Variants in WDR59 observed in about 807,000 individuals in gnomAD.
WDR59 encodes WD repeat domain 59.
Under a neutral mutation model 131.2 loss-of-function variants are expected in WDR59, and 100 were observed. That is an observed-to-expected ratio of 0.76 (90% CI 0.65 to 0.90). The LOEUF (loss-of-function observed/expected upper bound fraction) is 0.90, where lower values mean the gene tolerates loss of function less well. Ranked by LOEUF, WDR59 falls within the 40% of genes least tolerant of loss-of-function variation. The probability of loss-of-function intolerance (pLI) is 0.00; values close to 1 mark genes in which losing one functional copy is unlikely to be tolerated. For missense variants in WDR59, 1,203 were observed against 1,262.2 expected (o/e 0.95, Z 0.71); for synonymous variants, 601 against 466.2 (o/e 1.29, Z -3.72).
Position 74,981,653 on chromosome 16 carries a change from TATA to T in WDR59, c.54+3308_54+3310del, listed in dbSNP as rs1567450957. Among the ~76,000 whole-genome samples the T allele has an allele frequency of 4.0e-3, 25 of 6,308 alleles. 2 individuals carry two copies. Among genetic ancestry groups the T allele is most frequent in the East Asian group, 0.018 (2 of 112 alleles). 4.1% of individuals were successfully genotyped at this position (6,308 alleles called of 152,430 possible). ...ATATATATATATATATATATATATA[TATA>T]TATATTTTTTTTTTTTTTAGATGGA... On this transcript the variant is annotated intron_variant, in intron 1 of 25. Transcript: ENST00000262144.
chr16:74,882,003 G>C lies in WDR59; in HGVS notation c.2689+3650C>G, dbSNP rs957433340. Among the ~76,000 whole-genome samples, 11 of 152,098 alleles carry C rather than the reference G, an allele frequency of 7.2e-5. 1 individual carries two copies. Among genetic ancestry groups the C allele is most frequent in the East Asian group, 1.9e-4 (1 of 5,180 alleles). On this transcript the variant is annotated intron_variant, in intron 25 of 25. Coordinates refer to ENST00000262144, the MANE Select transcript of WDR59 (RefSeq NM_030581.4). ...TGTGACATTGGTTTTATTGGAATTA[G>C]GATACATTATTCATCCTTAACTATC... is the stretch of plus-strand genomic sequence containing the variant.
chr16:74,908,944 A>T lies in WDR59; in HGVS notation c.1676T>A (p.Met559Lys). Residue 559 changes from methionine to lysine, a missense_variant, in exon 17 of 26, where the codon ATG (methionine) becomes AAG (lysine). Physicochemically the swap from Met to Lys is moderately conservative, Grantham distance 95 (BLOSUM62 -1). Transcript: ENST00000262144. ...YLVYFTRPMT[M>K]HRAVSPTEPT... is the part of the protein sequence containing the mutation. ...CTCTGTGGGAGACACCGCCCGATGC[A>T]TTGTCATGGGCCTTGTGAAATATAC... 6.2e-7 allele frequency: 1 copy of T among 1,614,148 alleles called. No individual in the cohort carries two copies. The highest frequency in any genetic ancestry group is 8.5e-7 in the Non-Finnish European group (1 of 1,180,006).
At chr16:74,942,908 A>T in intron 6 of WDR59, 82 bp from the exon 7 acceptor site, 2 of 1,279,844 alleles carry the variant, frequency 1.6e-6, no homozygotes, top group East Asian at 4.8e-5. Context: ...GGAGCTGGAT[A>T]ATGAGTTCTG....
At chr16:74,965,702 A>G (rs1284437226) in intron 2 of WDR59, 71 bp downstream of exon 2, 47 of 1,569,586 alleles carry the variant, frequency 3.0e-5, no homozygotes, top group Non-Finnish European at 3.9e-5. Flanking sequence ...ATAGCTTCCA[A>G]GTTCCCAGAA....
intron 2 of WDR59, among the ~76,000 whole-genome samples, chr16:74,961,700 G>A (rs1172410434): frequency 6.6e-6 from 1 of 152,122 alleles, no homozygotes; most frequent in East Asian, 1.9e-4. Flanking sequence ...ACCTTTGTCA[G>A]ATGAATAGGT....
intron 17 of WDR59, among the ~76,000 whole-genome samples, chr16:74,905,555 G>A (rs1052971573): frequency 4.0e-5 from 6 of 151,370 alleles, no homozygotes; most frequent in South Asian, 2.1e-4. Context: ...GGTGGCGGGC[G>A]CCTGTAGTCC....
intron 1 of WDR59, among the ~76,000 whole-genome samples, chr16:74,967,600 T>G (rs973647062): frequency 4.6e-5 from 7 of 152,180 alleles, no homozygotes; most frequent in African/African-American, 1.7e-4. Flanking sequence ...GGCTCATGCC[T>G]GTAATCCTGG....
chr16:74,909,939 G>C, intron 14 of WDR59, 22 bp from the exon 15 acceptor site: 1 of 1,515,814 alleles, frequency 6.6e-7, no homozygotes, highest in South Asian at 1.2e-5. Flanking sequence ...CCAAAACACA[G>C]TCAAGAAGAG....
At chr16:74,921,924 G>A in intron 10 of WDR59, 23 bp downstream of exon 10, 1 of 1,609,776 alleles carries the variant, frequency 6.2e-7, no homozygotes, top group Non-Finnish European at 8.5e-7. Context: ...AAGGAAAGTG[G>A]GCAGCAGGCC....
At chr16:74,899,556 G>A (rs761304923) in intron 18 of WDR59, 1 of 556,398 alleles carries the variant, frequency 1.8e-6, no homozygotes, top group African/African-American at 2.0e-5. Flanking sequence ...ACTCCCCCAA[G>A]CAAAAAATTG....
chr16:74,896,781 T>G (rs979554808), intron 18 of WDR59, among the ~76,000 whole-genome samples: 1 of 152,176 alleles, frequency 6.6e-6, no homozygotes, highest in African/African-American at 2.4e-5. Context: ...AGTCCAAGTA[T>G]ACAAATGTTT....
chr16:74,887,661 G>T (rs1964831576), intron 23 of WDR59, 22 bp downstream of exon 23: 1 of 1,612,900 alleles, frequency 6.2e-7, no homozygotes, highest in Non-Finnish European at 8.5e-7. Flanking sequence ...TCCAGCGTGG[G>T]CTAAGTCATT....
At chr16:74,904,691 G>A (rs1965715590) in intron 17 of WDR59, among the ~76,000 whole-genome samples, 1 of 152,140 alleles carries the variant, frequency 6.6e-6, no homozygotes, top group Non-Finnish European at 1.5e-5. Context: ...TTTATTGAAA[G>A]ACCTAGAACA....
intron 1 of WDR59, among the ~76,000 whole-genome samples, chr16:74,981,637 TATATATATATATATATATATATA>T (rs1203116866): frequency 0.012 from 383 of 31,336 alleles, 25 homozygotes; most frequent in African/African-American, 0.025. Context: ...TATATATATA[TATATATATATATATATATATATA>T]TTTTTTTTTT....
chr16:74,885,523 C>A, intron 25 of WDR59, 130 bp downstream of exon 25: 4 of 1,008,096 alleles, frequency 4.0e-6, no homozygotes, highest in Middle Eastern at 3.5e-4. Flanking sequence ...TTGGAATAGA[C>A]TCAAAATGCC....
At chr16:74,930,363 A>G (rs372435676) in intron 8 of WDR59, among the ~76,000 whole-genome samples, 14 of 152,166 alleles carry the variant, frequency 9.2e-5, no homozygotes, top group African/African-American at 3.4e-4. Context: ...AAAAATGGAA[A>G]CAGTAAAACG....
intron 24 of WDR59, 80 bp downstream of exon 24, chr16:74,886,190 A>AAAAAAAAAAAAAAG: frequency 4.1e-6 from 6 of 1,448,716 alleles, no homozygotes; most frequent in Non-Finnish European, 5.6e-6. Context: ...AAAAAAAAAA[A>AAAAAAAAAAAAAAG]GTAAGAGTTG....
chr16:74,950,243 T>G (rs1409933237), intron 4 of WDR59, among the ~76,000 whole-genome samples: 1 of 151,986 alleles, frequency 6.6e-6, no homozygotes, highest in Non-Finnish European at 1.5e-5. Context: ...TTGAGAATCA[T>G]TTGAACCTGG....
At position 74,965,872 on chromosome 16, in the gene WDR59, T is replaced by C. The variant is rs535051043; in HGVS notation, c.55-50A>G. ...TGCTGCCAGCAAACCCAGCCGGGGA[T>C]AGAAGGCAGAGGTCTCTGTGGCTCT... On this transcript the variant is annotated intron_variant, in intron 1 of 25. Coordinates refer to ENST00000262144, the MANE Select transcript of WDR59 (RefSeq NM_030581.4). The C allele has an allele frequency of 4.1e-4, 661 of 1,608,080 alleles. 8 individuals carry two copies. In the South Asian group the frequency reaches 7.1e-3, roughly 17 times the overall value.
Sources: allele counts gnomAD v4.1 joint callset (sites outside exome capture counted in the v4.1 genomes callset), GRCh38; gene constraint gnomAD v4.1.1; transcripts MANE v1.5; gene names NCBI Gene and HGNC (gene_info 2026-07-23, HGNC 2026-07-21).